The following PLA2G4A variants were observed in gnomAD, a reference collection of about 807,000 sequenced individuals.
The protein encoded by PLA2G4A is cytosolic phospholipase A2.
In PLA2G4A, 40 loss-of-function variants were observed where a neutral mutation model predicts 81.9. That is an observed-to-expected ratio of 0.49 (90% CI 0.38 to 0.64). The LOEUF (loss-of-function observed/expected upper bound fraction) is 0.64. Ranked by LOEUF, PLA2G4A falls within the 30% of genes least tolerant of loss-of-function variation. The pLI, the probability that PLA2G4A is intolerant of heterozygous loss-of-function variation, is 0.00. For missense variants in PLA2G4A, 715 were observed against 905.1 expected (o/e 0.79, Z 2.69); for synonymous variants, 302 against 296.9 (o/e 1.02, Z -0.18).
At chr1:186,893,912 C>T (rs1448518746) in intron 4 of PLA2G4A, among the ~76,000 whole-genome samples, 186 bp from the exon 5 acceptor site, 1 of 112,990 alleles carries the variant, frequency 8.9e-6, no homozygotes, top group Non-Finnish European at 1.9e-5. Context: ...GAGTGAGACC[C>T]TGTCTCAAAA....
intron 7 of PLA2G4A, among the ~76,000 whole-genome samples, chr1:186,922,559 G>A (rs1369728710): frequency 1.3e-5 from 2 of 152,166 alleles, no homozygotes; most frequent in Admixed American, 6.5e-5. Flanking sequence ...GATCTGCTTT[G>A]CTCAAGCTGG....
chr1:186,938,937 T>C (rs548680082), intron 8 of PLA2G4A, 71 bp from the exon 9 acceptor site: 2 of 819,518 alleles, frequency 2.4e-6, no homozygotes, highest in Non-Finnish European at 4.4e-6. Context: ...TTACAGAGTG[T>C]GCCTTCTTTC....
chr1:186,968,142 T>A (rs935547919), intron 15 of PLA2G4A, among the ~76,000 whole-genome samples: 1 of 152,058 alleles, frequency 6.6e-6, no homozygotes, highest in Non-Finnish European at 1.5e-5. Flanking sequence ...AATGGGGGTA[T>A]AAAATGTCAA....
chr1:186,932,475 G>T (rs912459086), intron 7 of PLA2G4A, among the ~76,000 whole-genome samples: 1 of 151,072 alleles, frequency 6.6e-6, no homozygotes, highest in African/African-American at 2.4e-5. Flanking sequence ...TTTATTTTGT[G>T]TTTTTTGTAG....
intron 2 of PLA2G4A, among the ~76,000 whole-genome samples, chr1:186,857,901 C>A (rs1211834183): frequency 2.0e-5 from 3 of 152,026 alleles, no homozygotes; most frequent in African/African-American, 7.3e-5. Flanking sequence ...TGGTTTCCAG[C>A]TTCATCCATG....
At chr1:186,913,895 G>A (rs1345216968) in intron 7 of PLA2G4A, among the ~76,000 whole-genome samples, 3 of 152,150 alleles carry the variant, frequency 2.0e-5, no homozygotes, top group African/African-American at 7.2e-5. Context: ...TTGCAAATAT[G>A]TTTTAGGTGG....
intron 17 of PLA2G4A, among the ~76,000 whole-genome samples, chr1:186,986,895 TTA>T (rs1226005855): frequency 1.3e-5 from 2 of 152,364 alleles, no homozygotes; most frequent in East Asian, 1.9e-4. Flanking sequence ...CATCACAGAA[TTA>T]TGTTTCCCTA....
intron 5 of PLA2G4A, 114 bp from the exon 6 acceptor site, chr1:186,906,851 T>G (rs1208237957): frequency 1.5e-6 from 1 of 646,948 alleles, no homozygotes; most frequent in African/African-American, 1.8e-5. Context: ...TTTTTAGGGT[T>G]TTGTTTTTTT....
chr1:186,922,983 T>C (rs1257770404), intron 7 of PLA2G4A, among the ~76,000 whole-genome samples: 1 of 152,208 alleles, frequency 6.6e-6, no homozygotes, highest in Non-Finnish European at 1.5e-5. Flanking sequence ...ACATAACCAA[T>C]TATGTCAGTC....
At chr1:186,986,825 G>A (rs1191793691) in intron 17 of PLA2G4A, among the ~76,000 whole-genome samples, 2 of 152,172 alleles carry the variant, frequency 1.3e-5, no homozygotes, top group Non-Finnish European at 2.9e-5. Flanking sequence ...CAGCCAAGAA[G>A]TGTTTGTGCC....
At chr1:186,969,743 ATT>A (rs61377388) in intron 15 of PLA2G4A, among the ~76,000 whole-genome samples, 5 of 151,568 alleles carry the variant, frequency 3.3e-5, no homozygotes, top group Admixed American at 6.6e-5. Flanking sequence ...GGATTTCATT[ATT>A]TTTTTTATGT....
intron 3 of PLA2G4A, among the ~76,000 whole-genome samples, chr1:186,874,900 G>T (rs1391616042): frequency 6.6e-6 from 1 of 151,992 alleles, no homozygotes; most frequent in Non-Finnish European, 1.5e-5. Context: ...TTCTGTTTCT[G>T]ATAACTTCCT....
intron 13 of PLA2G4A, among the ~76,000 whole-genome samples, chr1:186,954,721 A>G (rs1462951568): frequency 6.6e-6 from 1 of 152,100 alleles, no homozygotes; most frequent in Non-Finnish European, 1.5e-5. Context: ...ATACACACAC[A>G]GTTTTATAAA....
chr1:186,857,358 ATAT>A (rs1467314985), intron 2 of PLA2G4A, among the ~76,000 whole-genome samples: 87 of 124,384 alleles, frequency 7.0e-4, no homozygotes, highest in African/African-American at 2.4e-3. Flanking sequence ...TATAAATATA[ATAT>A]TATATTCATA....
intron 14 of PLA2G4A, among the ~76,000 whole-genome samples, chr1:186,962,492 TTATTTATTTATTTA>T (rs1436473664): frequency 1.9e-5 from 2 of 103,816 alleles, no homozygotes; most frequent in African/African-American, 1.6e-4. Context: ...TTTATTTTAT[TTATTTATTTATTTA>T]TTTATTTATT....
chr1:186,987,656 C>G (rs1657932440), intron 17 of PLA2G4A, among the ~76,000 whole-genome samples: 1 of 152,224 alleles, frequency 6.6e-6, no homozygotes, highest in Admixed American at 6.5e-5. Context: ...TCTGAATGTT[C>G]TCTTCTTTCC....
intron 5 of PLA2G4A, among the ~76,000 whole-genome samples, chr1:186,906,420 G>T (rs529592664): frequency 6.6e-6 from 1 of 152,314 alleles, no homozygotes; most frequent in East Asian, 1.9e-4. Flanking sequence ...CTCATTAGTA[G>T]ATGTTTCCCG....
At chr1:186,955,961 C>T (rs1656734849) in intron 13 of PLA2G4A, 141 bp from the exon 14 acceptor site, 42 of 684,486 alleles carry the variant, frequency 6.1e-5, no homozygotes, top group South Asian at 5.2e-4. Flanking sequence ...AGGATGGTCT[C>T]AATCTCTTGA....
intron 1 of PLA2G4A, among the ~76,000 whole-genome samples, chr1:186,847,715 G>A (rs976570068): frequency 2.0e-5 from 3 of 152,092 alleles, no homozygotes; most frequent in Non-Finnish European, 4.4e-5. Flanking sequence ...TTTTGTTGTT[G>A]TTTTGGAGAG....
Sources: gnomAD v4.1 joint callset for allele counts (sites outside exome capture counted in the v4.1 genomes callset) on GRCh38, gnomAD v4.1.1 for gene constraint, MANE v1.5 for transcripts, NCBI Gene and HGNC (gene_info 2026-07-23, HGNC 2026-07-21) for gene names.